NCOA6: variants seen among roughly 807,000 people sequenced by gnomAD.
NCOA6 encodes nuclear receptor coactivator 6.
In NCOA6, 49 loss-of-function variants were observed where a neutral mutation model predicts 171.4. That is an observed-to-expected ratio of 0.29 (90% CI 0.23 to 0.36). The LOEUF (loss-of-function observed/expected upper bound fraction) is 0.36, where lower values mean the gene tolerates loss of function less well. Ranked by LOEUF, NCOA6 falls within the 10% of genes least tolerant of loss-of-function variation. The pLI, the probability that NCOA6 is intolerant of heterozygous loss-of-function variation, is 1.00. For synonymous variants in NCOA6, 910 were observed against 927.5 expected (o/e 0.98, Z 0.34); for missense variants, 2,248 against 2,554.5 (o/e 0.88, Z 2.59).
intron 5 of NCOA6, among the ~76,000 whole-genome samples, chr20:34,763,860 T>C (rs957159702): frequency 6.6e-6 from 1 of 152,228 alleles, no homozygotes; most frequent in Non-Finnish European, 1.5e-5. Flanking sequence ...CTGAAAATTC[T>C]GGCTTCATGA....
intron 14 of NCOA6, 46 bp downstream of exon 14, chr20:34,727,213 A>T (rs756541739): frequency 1.9e-6 from 3 of 1,597,742 alleles, no homozygotes; most frequent in Non-Finnish European, 2.6e-6. Context: ...TAAGAACTCT[A>T]TTCCTCTATT....
chr20:34,724,157 T>C (rs762287512), intron 14 of NCOA6, among the ~76,000 whole-genome samples: 6 of 152,202 alleles, frequency 3.9e-5, no homozygotes, highest in Non-Finnish European at 8.8e-5. Context: ...AATGAAGTTA[T>C]TGGCTTCATA....
intron 1 of NCOA6, among the ~76,000 whole-genome samples, chr20:34,794,000 G>A (rs141895233): frequency 1.4e-3 from 209 of 152,314 alleles, no homozygotes; most frequent in African/African-American, 4.4e-3. Context: ...TCACTCATCA[G>A]ATTAGCAAAA....
chr20:34,816,417 G>A (rs932549475), intron 1 of NCOA6, among the ~76,000 whole-genome samples: 4 of 152,028 alleles, frequency 2.6e-5, no homozygotes, highest in Non-Finnish European at 4.4e-5. Context: ...AGGGAAATTT[G>A]GACACAGAGA....
At chr20:34,724,075 T>G (rs1989678956) in intron 14 of NCOA6, among the ~76,000 whole-genome samples, 1 of 152,198 alleles carries the variant, frequency 6.6e-6, no homozygotes. Flanking sequence ...TTAAGTGTAG[T>G]ACTTCAATAT....
rs776925549 is a variant in NCOA6, at chr20:34,768,474, T to G, written c.504A>C (p.Ala168=). 37 of 1,613,996 alleles carry G rather than the reference T, an allele frequency of 2.3e-5. No individual in the cohort carries two copies. The Middle Eastern group carries it at 9.9e-4, about 43-fold the overall frequency. The part of the protein sequence containing the change: ...SVRMEAGFPM[A]SGPGIIRMNN... Reference sequence around the variant, plus strand: ...AGTGGGAGGTCTTACCTGGACCACTTGCCATAGGAAATCCCGCCTCCATCC... The same window carrying G: ...AGTGGGAGGTCTTACCTGGACCACTGGCCATAGGAAATCCCGCCTCCATCC... The change falls in exon 5 of 15, where the codon GCA becomes GCC. Residue 168 remains alanine, a synonymous_variant. Transcript: ENST00000359003.
intron 9 of NCOA6, among the ~76,000 whole-genome samples, chr20:34,747,644 T>C (rs1345925144): frequency 6.6e-6 from 1 of 152,226 alleles, no homozygotes; most frequent in African/African-American, 2.4e-5. Flanking sequence ...TTTCTATCTT[T>C]AGTTTCCCTT....
chr20:34,802,983 G>A (rs771883934), intron 1 of NCOA6, among the ~76,000 whole-genome samples: 3 of 151,516 alleles, frequency 2.0e-5, no homozygotes, highest in African/African-American at 2.4e-5. Context: ...GCTAATTTTC[G>A]TATTTTTTGT....
chr20:34,790,144 G>A (rs2077824747), intron 2 of NCOA6, among the ~76,000 whole-genome samples: 1 of 150,576 alleles, frequency 6.6e-6, no homozygotes, highest in African/African-American at 2.4e-5. Context: ...ATTCACAATA[G>A]CCAAAAACTC....
At chr20:34,777,906 AATATTATT>A (rs1447111192) in intron 3 of NCOA6, among the ~76,000 whole-genome samples, 3 of 152,086 alleles carry the variant, frequency 2.0e-5, no homozygotes, top group Admixed American at 6.6e-5. Context: ...CATACAATGG[AATATTATT>A]ATATTATTAT....
At chr20:34,756,799 A>G (rs1446351289) in intron 7 of NCOA6, among the ~76,000 whole-genome samples, 1 of 152,224 alleles carries the variant, frequency 6.6e-6, no homozygotes, top group Non-Finnish European at 1.5e-5. Context: ...AGGATTATCA[A>G]AATTGATAAC....
intron 2 of NCOA6, among the ~76,000 whole-genome samples, chr20:34,789,931 A>G (rs149309850): frequency 6.6e-6 from 1 of 152,294 alleles, no homozygotes; most frequent in Non-Finnish European, 1.5e-5. Flanking sequence ...CATTAATGTA[A>G]AAACAAAATT....
intron 1 of NCOA6, among the ~76,000 whole-genome samples, chr20:34,821,932 C>G (rs971356075): frequency 2.0e-5 from 3 of 152,110 alleles, no homozygotes; most frequent in Non-Finnish European, 2.9e-5. Context: ...CACCCCAAAC[C>G]AGAAATTTAA....
rs1377674581 is a variant in NCOA6 at position 34,715,010 on chromosome 20, T to C, written c.*312A>G. Reference sequence around the variant, plus strand: ...CACGGCACAATACATCATTAGGAGATCTAAAAATGCTCACCCTGTACTCTA... The same window carrying C: ...CACGGCACAATACATCATTAGGAGACCTAAAAATGCTCACCCTGTACTCTA... On this transcript the variant is annotated 3_prime_UTR_variant, in exon 15 of 15. Transcript: ENST00000359003. 2 of 295,600 alleles carry C rather than the reference T, an allele frequency of 6.8e-6. No individual in the cohort carries two copies. Among genetic ancestry groups the C allele is most frequent in the Non-Finnish European group, 1.3e-5 (2 of 151,214 alleles). 18.3% of individuals were successfully genotyped at this position (295,600 alleles called of 1,614,324 possible).
At chr20:34,729,233 G>C (rs907116997) in intron 13 of NCOA6, among the ~76,000 whole-genome samples, 1 of 152,208 alleles carries the variant, frequency 6.6e-6, no homozygotes, top group Admixed American at 6.5e-5. Context: ...TTACAGGTGT[G>C]AGCCACAACG....
intron 1 of NCOA6, among the ~76,000 whole-genome samples, chr20:34,793,269 T>C (rs2077954153): frequency 6.6e-6 from 1 of 152,168 alleles, no homozygotes; most frequent in Non-Finnish European, 1.5e-5. Flanking sequence ...TGCATATGCT[T>C]AGAGCCCAAA....
intron 1 of NCOA6, among the ~76,000 whole-genome samples, chr20:34,806,641 G>C (rs914150553): frequency 3.9e-5 from 6 of 152,132 alleles, no homozygotes; most frequent in African/African-American, 1.4e-4. Context: ...AGTTTTCTCA[G>C]CATATGCATT....
intron 5 of NCOA6, among the ~76,000 whole-genome samples, chr20:34,763,344 T>C (rs1304651772): frequency 6.6e-6 from 1 of 152,360 alleles, no homozygotes; most frequent in East Asian, 1.9e-4. Context: ...AAATTCACCT[T>C]CCAATCCACC....
intron 1 of NCOA6, chr20:34,819,522 G>A (rs2078939995): frequency 6.6e-6 from 1 of 152,186 alleles, no homozygotes; most frequent in African/African-American, 2.4e-5. Context: ...AAGTGATGGC[G>A]TGAGAAGAGT....
Sources: allele counts gnomAD v4.1 joint callset (sites outside exome capture counted in the v4.1 genomes callset), GRCh38; gene constraint gnomAD v4.1.1; transcripts MANE v1.5; gene names NCBI Gene and HGNC (gene_info 2026-07-23, HGNC 2026-07-21).